The following NAV3 variants were observed in gnomAD, a reference collection of about 807,000 sequenced individuals.
NAV3 encodes pore membrane and/or filament interacting like protein 1.
NAV3 carries 87 observed loss-of-function variants against 244.7 expected under a neutral mutation model. The observed-to-expected ratio is 0.36, with a 90% CI of 0.30 to 0.42. The LOEUF (loss-of-function observed/expected upper bound fraction) is 0.42, where lower values mean the gene tolerates loss of function less well. Ranked by LOEUF, NAV3 falls within the 20% of genes least tolerant of loss-of-function variation. The pLI is 1.00. For synonymous variants in NAV3, 1,126 were observed against 1,042.2 expected (o/e 1.08, Z -1.55); for missense variants, 2,663 against 2,893.3 (o/e 0.92, Z 1.83).
intron 2 of NAV3, among the ~76,000 whole-genome samples, chr12:77,749,326 C>T (rs768716892): frequency 3.3e-5 from 5 of 152,102 alleles, no homozygotes; most frequent in Non-Finnish European, 7.4e-5. Flanking sequence ...GGGATCAAAC[C>T]TAGTAGGGTT....
At chr12:77,634,249 T>C (rs1872054661) in intron 2 of NAV3, among the ~76,000 whole-genome samples, 1 of 152,142 alleles carries the variant, frequency 6.6e-6, no homozygotes, top group African/African-American at 2.4e-5. Context: ...TTTAATAACT[T>C]CTGATTGTAC....
intron 12 of NAV3, among the ~76,000 whole-genome samples, chr12:78,110,521 A>G (rs1955033894): frequency 6.6e-6 from 1 of 152,026 alleles, no homozygotes; most frequent in African/African-American, 2.4e-5. Context: ...CTTAATCACT[A>G]TGCAATCTAT....
chr12:78,197,017 T>C (rs1443614937), intron 34 of NAV3, among the ~76,000 whole-genome samples: 2 of 151,992 alleles, frequency 1.3e-5, no homozygotes, highest in African/African-American at 4.8e-5. Flanking sequence ...AGGTGTTTGG[T>C]ACTGGATCTT....
intron 20 of NAV3, among the ~76,000 whole-genome samples, chr12:78,142,298 G>A (rs1269180082): frequency 2.0e-5 from 3 of 151,912 alleles, no homozygotes; most frequent in Non-Finnish European, 4.4e-5. Context: ...AAAGGATCAT[G>A]AGTTTAAGAA....
intron 12 of NAV3, among the ~76,000 whole-genome samples, chr12:78,112,157 G>A (rs1265085074): frequency 6.6e-6 from 1 of 152,138 alleles, no homozygotes; most frequent in Non-Finnish European, 1.5e-5. Flanking sequence ...TGCCCATGCT[G>A]ATAGAAAACA....
At chr12:77,977,740 A>ACT (rs1555248346) in intron 5 of NAV3, among the ~76,000 whole-genome samples, 8 of 145,490 alleles carry the variant, frequency 5.5e-5, no homozygotes, top group African/African-American at 7.6e-5. Flanking sequence ...ACACACACAC[A>ACT]CTCTCTTCAG....
chr12:78,007,585 A>G, intron 8 of NAV3, 140 bp downstream of exon 8: 1 of 891,714 alleles, frequency 1.1e-6, no homozygotes, highest in Non-Finnish European at 1.6e-6. Context: ...AGAGGCCTAG[A>G]ATTCAGTGCG....
chr12:77,612,013 T>C (rs1027279688), intron 2 of NAV3, among the ~76,000 whole-genome samples: 1 of 152,090 alleles, frequency 6.6e-6, no homozygotes, highest in Non-Finnish European at 1.5e-5. Flanking sequence ...TATTTATTCT[T>C]ATGATTTCAT....
intron 2 of NAV3, among the ~76,000 whole-genome samples, chr12:77,773,384 T>G (rs1416865406): frequency 6.6e-6 from 1 of 152,202 alleles, no homozygotes; most frequent in Non-Finnish European, 1.5e-5. Context: ...AAAACTCTAA[T>G]GTCCCTATTA....
intron 2 of NAV3, among the ~76,000 whole-genome samples, chr12:77,607,079 A>G (rs1487243150): frequency 6.6e-6 from 1 of 152,140 alleles, no homozygotes; most frequent in Non-Finnish European, 1.5e-5. Context: ...AAGTGTATGT[A>G]TAGAAATGAG....
intron 1 of NAV3, among the ~76,000 whole-genome samples, chr12:77,929,946 G>A (rs553819749): frequency 5.3e-5 from 8 of 151,828 alleles, no homozygotes; most frequent in Admixed American, 2.0e-4. Flanking sequence ...ACCATGCCTG[G>A]TCTATAAACT....
chr12:77,813,795 C>T (rs780206849), intron 2 of NAV3, among the ~76,000 whole-genome samples: 2 of 152,140 alleles, frequency 1.3e-5, no homozygotes, highest in Non-Finnish European at 2.9e-5. Flanking sequence ...AGATTAGAGC[C>T]TGTCACTGAT....
At chr12:77,636,790 A>ACAC (rs559511745) in intron 2 of NAV3, among the ~76,000 whole-genome samples, 3,767 of 152,266 alleles carry the variant, frequency 0.025, 58 homozygotes, top group Middle Eastern at 0.075. Context: ...TGGCACATAT[A>ACAC]CATAGAGTAC....
chr12:77,692,157 A>G (rs1478342574), intron 2 of NAV3, among the ~76,000 whole-genome samples: 1 of 152,056 alleles, frequency 6.6e-6, no homozygotes, highest in Non-Finnish European at 1.5e-5. Context: ...TGGGAGACAA[A>G]AAGAAGAAGT....
intron 2 of NAV3, among the ~76,000 whole-genome samples, chr12:77,627,860 T>G (rs1871707983): frequency 6.6e-6 from 1 of 152,196 alleles, no homozygotes; most frequent in African/African-American, 2.4e-5. Context: ...AAAAGTCTTT[T>G]GCAGCAACAT....
intron 12 of NAV3, among the ~76,000 whole-genome samples, chr12:78,081,907 G>T (rs540722223): frequency 6.6e-6 from 1 of 152,210 alleles, no homozygotes; most frequent in African/African-American, 2.4e-5. Context: ...TCTTTTCCTG[G>T]ATGTTCTTTC....
chr12:77,872,955 C>T (rs1348868977), intron 1 of NAV3, among the ~76,000 whole-genome samples: 3 of 152,172 alleles, frequency 2.0e-5, no homozygotes, highest in Non-Finnish European at 4.4e-5. Flanking sequence ...CCATAATCCC[C>T]ACATGTCATG....
chr12:77,997,827 T>C (rs1188956067), intron 6 of NAV3, among the ~76,000 whole-genome samples: 1 of 152,238 alleles, frequency 6.6e-6, no homozygotes, highest in Non-Finnish European at 1.5e-5. Context: ...GTAACTTAGA[T>C]ACTCAGTGAG....
chr12:77,586,859 T>C (rs1417347811), intron 2 of NAV3, among the ~76,000 whole-genome samples: 2 of 152,152 alleles, frequency 1.3e-5, no homozygotes, highest in African/African-American at 4.8e-5. Flanking sequence ...GAAAGTTCAA[T>C]AGGCTGCTGA....
Sources: gnomAD v4.1 joint callset for allele counts (sites outside exome capture counted in the v4.1 genomes callset) on GRCh38, gnomAD v4.1.1 for gene constraint, MANE v1.5 for transcripts, NCBI Gene and HGNC (gene_info 2026-07-23, HGNC 2026-07-21) for gene names.